The following ALDH1A1 variants were observed in gnomAD, a reference collection of about 807,000 sequenced individuals.
ALDH1A1 encodes aldehyde dehydrogenase 1A1.
Under a neutral mutation model 62.1 loss-of-function variants are expected in ALDH1A1, and 19 were observed. The ratio of observed to expected loss-of-function variants is 0.31; its 90% CI spans 0.21 to 0.45. The LOEUF (loss-of-function observed/expected upper bound fraction) is 0.45, where lower values mean the gene tolerates loss of function less well. Ranked by LOEUF, ALDH1A1 falls within the 20% of genes least tolerant of loss-of-function variation. The pLI, the probability that ALDH1A1 is intolerant of heterozygous loss-of-function variation, is 1.00. For synonymous variants in ALDH1A1, 231 were observed against 215.9 expected (o/e 1.07, Z -0.61); for missense variants, 521 against 607.1 (o/e 0.86, Z 1.49).
In ALDH1A1 at chr9:72,911,981, C is replaced by T. The variant is rs190750432; in HGVS notation, c.1177G>A (p.Glu393Lys). Residue 393 changes from glutamate (E) to lysine (K), a missense_variant, in exon 10 of 13, where the codon GAG becomes AAG. Glu to Lys is a moderately conservative substitution (Grantham distance 56). Coordinates refer to ENST00000297785, the MANE Select transcript of ALDH1A1 (RefSeq NM_000689.5). The stretch of plus-strand genomic sequence containing the variant: ...ACCTCCTCTTTGGCAATGCGCATCT[C>T]ATCTGTAACATTAGAGAACACTGTG... ...QPTVFSNVTD[E>K]MRIAKEEIFG... The T allele has an allele frequency of 2.7e-5, 43 of 1,613,970 alleles. No homozygotes were observed. The East Asian group carries it at 9.6e-4, about 36-fold the overall frequency.
chr9:72,927,593 A>T (rs1421135017), intron 4 of ALDH1A1, among the ~76,000 whole-genome samples: 1 of 152,206 alleles, frequency 6.6e-6, no homozygotes, highest in Non-Finnish European at 1.5e-5. Context: ...AGGAAGTAGG[A>T]GGTCTCTGGC....
At chr9:72,906,165 A>G (rs1314975570) in intron 11 of ALDH1A1, 133 bp from the exon 12 acceptor site, 3 of 594,852 alleles carry the variant, frequency 5.0e-6, no homozygotes, top group Non-Finnish European at 8.8e-6. Flanking sequence ...ATCTTGATAA[A>G]AAAAAGTAGC....
At chr9:72,908,434 CAAAAAAA>C (rs386415096) in intron 11 of ALDH1A1, among the ~76,000 whole-genome samples, 2 of 2,484 alleles carry the variant, frequency 8.1e-4, no homozygotes, top group African/African-American at 1.3e-3. Context: ...GACTCCAGCT[CAAAAAAA>C]AAAAAAAAAA....
chr9:72,938,689 C>T (rs1830376143), intron 2 of ALDH1A1, among the ~76,000 whole-genome samples: 1 of 151,728 alleles, frequency 6.6e-6, no homozygotes. Context: ...TTGTGATCTG[C>T]CCGCCTCAGC....
At chr9:72,912,989 C>G (rs1830010666) in intron 9 of ALDH1A1, among the ~76,000 whole-genome samples, 1 of 152,070 alleles carries the variant, frequency 6.6e-6, no homozygotes, top group Admixed American at 6.6e-5. Flanking sequence ...GGCTGCCTAT[C>G]TCAGGTGTAG....
chr9:72,913,370 A>G (rs1262080008), intron 9 of ALDH1A1, among the ~76,000 whole-genome samples: 1 of 152,190 alleles, frequency 6.6e-6, no homozygotes, highest in East Asian at 1.9e-4. Context: ...AGAAAAAAAT[A>G]GTGTTAAGAA....
At chr9:72,912,174 A>AAC in intron 9 of ALDH1A1, 52 bp from the exon 10 acceptor site, 1 of 1,514,950 alleles carries the variant, frequency 6.6e-7, no homozygotes, top group Non-Finnish European at 9.1e-7. Context: ...TTGTAAAGAT[A>AAC]ACACATTGCT....
chr9:72,923,129 A>G (rs1354495429), intron 7 of ALDH1A1, among the ~76,000 whole-genome samples: 4 of 152,150 alleles, frequency 2.6e-5, no homozygotes, highest in Non-Finnish European at 5.9e-5. Context: ...CAAAACCCAG[A>G]GCTAGTTCTA....
chr9:72,906,379 T>C (rs1829878955), intron 11 of ALDH1A1, among the ~76,000 whole-genome samples: 1 of 152,216 alleles, frequency 6.6e-6, no homozygotes, highest in African/African-American at 2.4e-5. Context: ...TGGATCAGTA[T>C]TCATTACTGC....
Position 72,928,964 on chromosome 9 carries a change from C to A in ALDH1A1, c.370G>T (p.Ala124Ser). 6.2e-7 allele frequency: 1 copy of A among 1,613,972 alleles called. No individual in the cohort carries two copies. The highest frequency in any genetic ancestry group is 8.5e-7 in the Non-Finnish European group (1 of 1,179,922). ...TAGCGCAATGTTTTGATGCAGCCTG[C>A]TAAATCATTCAGATATGCATTGGAA... ...LYSNAYLNDL[A>S]GCIKTLRYCA... The change falls in exon 4 of 13, where the codon GCA becomes TCA. Residue 124 changes from alanine to serine, a missense_variant. By Grantham distance (99) the Ala-to-Ser change is moderately conservative. Transcript: ENST00000297785.
At chr9:72,912,476 C>A (rs527579808) in intron 9 of ALDH1A1, among the ~76,000 whole-genome samples, 2 of 152,062 alleles carry the variant, frequency 1.3e-5, no homozygotes, top group East Asian at 1.9e-4. Context: ...ACTATTGTCC[C>A]GGCTGAAATG....
chr9:72,925,232 A>C (rs1830189517), intron 6 of ALDH1A1, among the ~76,000 whole-genome samples: 1 of 152,150 alleles, frequency 6.6e-6, no homozygotes, highest in African/African-American at 2.4e-5. Context: ...TTGGACAAAG[A>C]AGCAAAAATG....
At chr9:72,903,243 G>A (rs1468588213) in intron 12 of ALDH1A1, among the ~76,000 whole-genome samples, 2 of 152,006 alleles carry the variant, frequency 1.3e-5, no homozygotes, top group Admixed American at 6.6e-5. Context: ...AAGGACCTAC[G>A]TTAACCTAAG....
At chr9:72,922,440 T>C (rs1588136781) in intron 7 of ALDH1A1, among the ~76,000 whole-genome samples, 1 of 152,218 alleles carries the variant, frequency 6.6e-6, no homozygotes, top group East Asian at 1.9e-4. Flanking sequence ...ATGCTGAAGA[T>C]GAGATCAGCA....
chr9:72,912,560 G>C (rs940419353), intron 9 of ALDH1A1, among the ~76,000 whole-genome samples: 1 of 152,182 alleles, frequency 6.6e-6, no homozygotes. Flanking sequence ...GATGCTTTAA[G>C]ACTGTTCTTA....
At chr9:72,933,592 C>CAAAAAAAAAAA (rs60011646) in intron 2 of ALDH1A1, among the ~76,000 whole-genome samples, 33 of 111,720 alleles carry the variant, frequency 3.0e-4, no homozygotes, top group Non-Finnish European at 3.9e-4. Flanking sequence ...CATCTCAAAA[C>CAAAAAAAAAAA]AAAAAAAAAA....
Position 72,928,851 on chromosome 9 carries a change from G to A in ALDH1A1, c.442+41C>T, listed in dbSNP as rs201041788. 6.9e-6 allele frequency: 11 copies of A among 1,583,314 alleles called. No homozygotes were observed. The highest frequency in any genetic ancestry group is 6.8e-5 in the East Asian group (3 of 44,168). On this transcript the variant is annotated intron_variant, in intron 4 of 12. Coordinates refer to ENST00000297785, the MANE Select transcript of ALDH1A1 (RefSeq NM_000689.5). ...TATTCAGCTCTATAGTAAACTCCTC[G>A]CTCCTATCCTCACCATTAGTGGTTT... is the stretch of plus-strand genomic sequence containing the variant.
chr9:72,909,843 G>C, intron 10 of ALDH1A1, 84 bp from the exon 11 acceptor site: 1 of 1,191,742 alleles, frequency 8.4e-7, no homozygotes. Context: ...TTTCCTACAC[G>C]CTATCCTAAA....
intron 12 of ALDH1A1, among the ~76,000 whole-genome samples, chr9:72,903,317 T>G (rs1829830811): frequency 6.6e-6 from 1 of 152,046 alleles, no homozygotes; most frequent in African/African-American, 2.4e-5. Flanking sequence ...GAGCCAACAC[T>G]ATGATCAGAG....
Sources: allele counts gnomAD v4.1 joint callset (sites outside exome capture counted in the v4.1 genomes callset), GRCh38; gene constraint gnomAD v4.1.1; transcripts MANE v1.5; gene names NCBI Gene and HGNC (gene_info 2026-07-23, HGNC 2026-07-21).